The following XPNPEP1 variants were observed in gnomAD, a reference collection of about 807,000 sequenced individuals.
XPNPEP1 encodes the protein xaa-Pro aminopeptidase 1.
Under a neutral mutation model 92.4 loss-of-function variants are expected in XPNPEP1, and 39 were observed. The ratio of observed to expected loss-of-function variants is 0.42; its 90% CI spans 0.33 to 0.55. XPNPEP1 has a LOEUF of 0.55. Ranked by LOEUF, XPNPEP1 falls within the 20% of genes least tolerant of loss-of-function variation. The pLI is 0.08. For missense variants in XPNPEP1, 654 were observed against 856.1 expected, an observed-to-expected ratio of 0.76 and a Z score of 2.95; for synonymous variants, 307 against 299.4, an observed-to-expected ratio of 1.03 and a Z score of -0.26.
intron 16 of XPNPEP1, 79 bp downstream of exon 16, chr10:109,873,288 A>G: frequency 1.9e-6 from 3 of 1,562,366 alleles, no homozygotes; most frequent in Non-Finnish European, 1.8e-6. Flanking sequence ...TTACTTCTTT[A>G]TACAATCCCT....
At chr10:109,910,885 C>A (rs769863918) in intron 2 of XPNPEP1, among the ~76,000 whole-genome samples, 3 of 152,202 alleles carry the variant, frequency 2.0e-5, no homozygotes, top group Non-Finnish European at 4.4e-5. Flanking sequence ...TAAATCAGGA[C>A]AATTACATGA....
intron 1 of XPNPEP1, chr10:109,923,130 G>A: frequency 9.2e-6 from 9 of 980,024 alleles, no homozygotes; most frequent in Non-Finnish European, 8.5e-6. Flanking sequence ...CTCAGGCCGA[G>A]TGCAGCAGTT....
chr10:109,884,343 T>C, intron 8 of XPNPEP1, 195 bp from the exon 9 acceptor site: 1 of 578,726 alleles, frequency 1.7e-6, no homozygotes, highest in Non-Finnish European at 3.1e-6. Flanking sequence ...CACCACGTGA[T>C]GGCACCAGAG....
At chr10:109,900,784 G>A (rs1003608585) in intron 3 of XPNPEP1, among the ~76,000 whole-genome samples, 4 of 152,022 alleles carry the variant, frequency 2.6e-5, no homozygotes, top group Non-Finnish European at 5.9e-5. Context: ...GGTGGTCAAG[G>A]ACAACCATGA....
intron 1 of XPNPEP1, chr10:109,923,182 G>A (rs1850651831): frequency 1.0e-6 from 1 of 985,204 alleles, no homozygotes; most frequent in African/African-American, 1.7e-5. Flanking sequence ...GGGCCGCCCC[G>A]TGCCCACCGA....
Position 109,888,602 on chromosome 10 carries a change from G to A in XPNPEP1, c.416-7C>T. On this transcript the variant is annotated splice_region_variant and splice_polypyrimidine_tract_variant and intron_variant, in intron 5 of 20. Coordinates refer to ENST00000502935, the MANE Select transcript of XPNPEP1 (RefSeq NM_020383.4). ...GTTGGTGTGTCCTTCAGACCTACAGGGGGAAGAAATGATAAGAAACAATTC... is the reference window on the plus strand; with the variant it reads ...GTTGGTGTGTCCTTCAGACCTACAGAGGGAAGAAATGATAAGAAACAATTC... 1 of 1,590,302 alleles carries A rather than the reference G, an allele frequency of 6.3e-7. No individual in the cohort carries two copies. The highest frequency in any genetic ancestry group is 1.7e-5 in the Admixed American group (1 of 57,412).
intron 20 of XPNPEP1, 95 bp downstream of exon 20, chr10:109,868,519 T>C: frequency 9.1e-7 from 1 of 1,098,972 alleles, no homozygotes; most frequent in Non-Finnish European, 1.3e-6. Flanking sequence ...GAGACTGGAT[T>C]AGAGAATTTA....
chr10:109,872,238 C>T (rs181728332), intron 16 of XPNPEP1, among the ~76,000 whole-genome samples: 98 of 152,320 alleles, frequency 6.4e-4, no homozygotes, highest in African/African-American at 2.3e-3. Context: ...ATGTTTGATC[C>T]CACACTTCAC....
At chr10:109,923,173 G>A (rs1850650650) in intron 1 of XPNPEP1, 2 of 985,172 alleles carry the variant, frequency 2.0e-6, no homozygotes, top group Admixed American at 6.1e-5. Flanking sequence ...ACCAGACTCG[G>A]GCCGCCCCGT....
chr10:109,911,149 AG>A (rs1312204682), intron 2 of XPNPEP1, among the ~76,000 whole-genome samples: 78 of 152,396 alleles, frequency 5.1e-4, no homozygotes, highest in African/African-American at 1.4e-3. Context: ...AGCAGGCCTT[AG>A]GGCTCACCCT....
chr10:109,912,557 T>C (rs1158936351), intron 2 of XPNPEP1, among the ~76,000 whole-genome samples: 4 of 152,198 alleles, frequency 2.6e-5, no homozygotes, highest in African/African-American at 9.6e-5. Flanking sequence ...ATATAAGTCC[T>C]AGCCATTGAG....
chr10:109,885,948 G>A (rs1433396494), intron 8 of XPNPEP1, among the ~76,000 whole-genome samples: 3 of 152,190 alleles, frequency 2.0e-5, no homozygotes, highest in African/African-American at 7.2e-5. Context: ...GAGGCTGACA[G>A]ACATAAAATA....
At chr10:109,910,100 A>T (rs1849782293) in intron 2 of XPNPEP1, among the ~76,000 whole-genome samples, 1 of 152,196 alleles carries the variant, frequency 6.6e-6, no homozygotes, top group East Asian at 1.9e-4. Flanking sequence ...CTATATGCAC[A>T]TGCAGCCTAT....
intron 10 of XPNPEP1, 35 bp from the exon 11 acceptor site, chr10:109,880,966 C>T: frequency 6.3e-7 from 1 of 1,591,518 alleles, no homozygotes; most frequent in African/African-American, 1.3e-5. Flanking sequence ...GGAAATCAAA[C>T]CGGCTCCACC....
At chr10:109,888,006 G>C in intron 7 of XPNPEP1, 43 bp downstream of exon 7, 5 of 1,607,248 alleles carry the variant, frequency 3.1e-6, no homozygotes, top group Non-Finnish European at 4.3e-6. Flanking sequence ...GAGGTGGGGG[G>C]ACAATGGCAG....
chr10:109,891,760 G>A lies in XPNPEP1; in HGVS notation c.377C>T (p.Ala126Val). The A allele has an allele frequency of 6.3e-7, 1 of 1,594,370 alleles. No homozygotes were observed. Residue 126 changes from alanine (A) to valine (V), a missense_variant, in exon 5 of 21, where the codon GCC (alanine) becomes GTC (valine). Ala to Val is a moderately conservative substitution (Grantham distance 64). Transcript: ENST00000502935. ...WTDGRYFLQAAKQMDSNWTLM... is the reference protein window; with the variant it reads ...WTDGRYFLQAVKQMDSNWTLM... ...TGTCCAGTTGCTGTCCATTTGCTTG[G>A]CAGCCTGGAGAAAGTAGCGCCCGTC... is the stretch of plus-strand genomic sequence containing the variant.
chr10:109,878,101 A>G, intron 12 of XPNPEP1, 43 bp from the exon 13 acceptor site: 1 of 1,609,666 alleles, frequency 6.2e-7, no homozygotes, highest in Non-Finnish European at 8.5e-7. Flanking sequence ...AGATAAATTC[A>G]TGTGTGCCTC....
chr10:109,893,874 A>T (rs1848834146), intron 3 of XPNPEP1: 1 of 152,270 alleles, frequency 6.6e-6, no homozygotes, highest in Non-Finnish European at 1.5e-5. Flanking sequence ...TCAACTCCAG[A>T]GTCTGGACTC....
intron 20 of XPNPEP1, among the ~76,000 whole-genome samples, chr10:109,865,710 G>A (rs990759009): frequency 3.3e-5 from 5 of 152,154 alleles, no homozygotes; most frequent in African/African-American, 1.2e-4. Context: ...AACACACTGG[G>A]CTACATATCC....
Sources: gnomAD v4.1 joint callset for allele counts (sites outside exome capture counted in the v4.1 genomes callset) on GRCh38, gnomAD v4.1.1 for gene constraint, MANE v1.5 for transcripts, NCBI Gene and HGNC (gene_info 2026-07-23, HGNC 2026-07-21) for gene names.